Variants in CDYL observed in about 807,000 individuals in gnomAD.
CDYL encodes chromodomain Y like.
CDYL carries 8 observed loss-of-function variants against 47.3 expected under a neutral mutation model. That is an observed-to-expected ratio of 0.17 (90% CI 0.10 to 0.31). The LOEUF (loss-of-function observed/expected upper bound fraction) is 0.31. CDYL is among the 10% of genes least tolerant of loss of function. The probability of loss-of-function intolerance (pLI) is 1.00; values close to 1 mark genes in which losing one functional copy is unlikely to be tolerated. For synonymous variants in CDYL, 266 were observed against 265.0 expected (o/e 1.00, Z -0.04); for missense variants, 471 against 701.4 (o/e 0.67, Z 3.71).
chr6:4,735,358 T>A lies in CDYL; in HGVS notation c.186+514T>A, dbSNP rs183197978. 8.4e-4 allele frequency among the ~76,000 whole-genome samples: 128 copies of A among 152,240 alleles called. 1 individual carries two copies. Among genetic ancestry groups the A allele is most frequent in the African/African-American group, 2.5e-3 (104 of 41,556 alleles). ...AAAATATACAGGACTACAAAGGTTATCAATTACATTGAAATGCAGTTATCA... is the reference window on the plus strand; with the variant it reads ...AAAATATACAGGACTACAAAGGTTAACAATTACATTGAAATGCAGTTATCA... On this transcript the variant is annotated intron_variant, in intron 3 of 8. Coordinates refer to the CDYL transcript ENST00000328908.
intron 1 of CDYL, among the ~76,000 whole-genome samples, chr6:4,814,302 T>G (rs927628182): frequency 6.6e-6 from 1 of 152,178 alleles, no homozygotes; most frequent in Non-Finnish European, 1.5e-5. Flanking sequence ...AGTTAATTAT[T>G]TTAGAGTTGA....
chr6:4,770,089 G>A (rs1268752236), intron 3 of CDYL, among the ~76,000 whole-genome samples: 1 of 151,744 alleles, frequency 6.6e-6, no homozygotes, highest in Non-Finnish European at 1.5e-5. Flanking sequence ...CACCAGCCTT[G>A]GCCTTCCAAA....
chr6:4,750,941 C>T (rs1254579334), intron 3 of CDYL, among the ~76,000 whole-genome samples: 4 of 151,298 alleles, frequency 2.6e-5, no homozygotes, highest in Non-Finnish European at 5.9e-5. Context: ...CAAGCTCTGC[C>T]TCCTGGGTTC....
intron 3 of CDYL, among the ~76,000 whole-genome samples, chr6:4,736,268 A>G (rs1054596337): frequency 2.6e-5 from 4 of 152,222 alleles, no homozygotes; most frequent in Non-Finnish European, 4.4e-5. Flanking sequence ...ATTTTGCTAT[A>G]TCTGCAATAG....
chr6:4,718,024 G>A (rs1757301904), intron 2 of CDYL, among the ~76,000 whole-genome samples: 1 of 151,846 alleles, frequency 6.6e-6, no homozygotes, highest in Non-Finnish European at 1.5e-5. Context: ...TTTATATTTT[G>A]TAGAGATGGT....
intron 2 of CDYL, among the ~76,000 whole-genome samples, chr6:4,732,228 A>G (rs772031360): frequency 3.3e-5 from 5 of 152,162 alleles, no homozygotes; most frequent in Non-Finnish European, 7.3e-5. Flanking sequence ...CCAGCTACTC[A>G]GGAGGCTGAG....
chr6:4,835,185 T>C (rs1055596390), intron 1 of CDYL, among the ~76,000 whole-genome samples: 2 of 152,190 alleles, frequency 1.3e-5, no homozygotes, highest in African/African-American at 4.8e-5. Flanking sequence ...CTCTGTTTTT[T>C]CCCCATCTTT....
intron 1 of CDYL, among the ~76,000 whole-genome samples, chr6:4,708,525 A>G (rs145103021): frequency 5.7e-4 from 86 of 152,210 alleles, no homozygotes; most frequent in African/African-American, 2.0e-3. Context: ...TGCAACTGTT[A>G]ATTTTTGAAT....
intron 3 of CDYL, among the ~76,000 whole-genome samples, chr6:4,769,040 A>G (rs1402320623): frequency 6.6e-6 from 1 of 152,206 alleles, no homozygotes; most frequent in African/African-American, 2.4e-5. Flanking sequence ...AAACAAGAAA[A>G]GCCTAAGAAA....
chr6:4,788,621 A>G (rs528956414), intron 1 of CDYL, among the ~76,000 whole-genome samples: 1 of 151,968 alleles, frequency 6.6e-6, no homozygotes, highest in East Asian at 1.9e-4. Flanking sequence ...AGGAACTCTC[A>G]AAGATTGAAA....
intron 1 of CDYL, among the ~76,000 whole-genome samples, chr6:4,838,011 C>G (rs1294323997): frequency 2.0e-5 from 3 of 151,864 alleles, no homozygotes; most frequent in Non-Finnish European, 4.4e-5. Context: ...CTCCTGGGCT[C>G]AAGCAATCCG....
chr6:4,941,336 G>T (rs986904583), intron 4 of CDYL, among the ~76,000 whole-genome samples: 1 of 152,196 alleles, frequency 6.6e-6, no homozygotes, highest in African/African-American at 2.4e-5. Flanking sequence ...CAGCTCCCTT[G>T]GTTAAGCCTT....
chr6:4,756,069 C>T (rs1350581238), intron 3 of CDYL, among the ~76,000 whole-genome samples: 2 of 152,096 alleles, frequency 1.3e-5, no homozygotes, highest in Non-Finnish European at 2.9e-5. Flanking sequence ...TTCTTCCTTC[C>T]TCTAGTTCAC....
intron 1 of CDYL, among the ~76,000 whole-genome samples, chr6:4,849,670 T>G (rs1026401657): frequency 5.6e-5 from 8 of 142,568 alleles, no homozygotes; most frequent in Non-Finnish European, 1.2e-4. Flanking sequence ...TCCCCCAAAC[T>G]GGTCATGCCA....
At chr6:4,944,520 CGCAGCCAG>C (rs1288097479) in intron 5 of CDYL, among the ~76,000 whole-genome samples, 1 of 152,188 alleles carries the variant, frequency 6.6e-6, no homozygotes, top group South Asian at 2.1e-4. Context: ...CAGCAGCACC[CGCAGCCAG>C]GCAGCCAGGC....
chr6:4,841,220 G>A (rs372074341), intron 1 of CDYL, among the ~76,000 whole-genome samples: 2 of 152,090 alleles, frequency 1.3e-5, no homozygotes, highest in South Asian at 4.1e-4. Context: ...TAGTTGGCTT[G>A]AATAAACTTT....
At chr6:4,724,782 C>T (rs183999712) in intron 2 of CDYL, 2 of 152,284 alleles carry the variant, frequency 1.3e-5, no homozygotes. Context: ...TGCTACAACT[C>T]ACAAAAGCAG....
intron 2 of CDYL, among the ~76,000 whole-genome samples, chr6:4,896,053 G>T (rs1428345470): frequency 1.3e-5 from 2 of 152,138 alleles, no homozygotes; most frequent in Non-Finnish European, 2.9e-5. Context: ...TTCTGCCTGG[G>T]CGCTGGTCAG....
intron 3 of CDYL, among the ~76,000 whole-genome samples, chr6:4,751,211 A>G (rs1433685246): frequency 1.3e-5 from 2 of 152,300 alleles, no homozygotes; most frequent in East Asian, 1.9e-4. Flanking sequence ...TTTAAATGGT[A>G]GAAATGTTGC....
Sources: gnomAD v4.1 joint callset for allele counts (sites outside exome capture counted in the v4.1 genomes callset) on GRCh38, gnomAD v4.1.1 for gene constraint, MANE v1.5 for transcripts, NCBI Gene and HGNC (gene_info 2026-07-23, HGNC 2026-07-21) for gene names.